RBFOX1: variants seen among roughly 807,000 people sequenced by gnomAD.
RBFOX1 encodes the protein RNA binding protein fox-1 homolog 1.
RBFOX1 carries 8 observed loss-of-function variants against 57.7 expected under a neutral mutation model. That is an observed-to-expected ratio of 0.14 (90% CI 0.08 to 0.25). The LOEUF is 0.25. Among genes scored for constraint, RBFOX1 ranks in the 10% least tolerant of loss-of-function variants. The pLI is 1.00. For missense variants in RBFOX1, 611 were observed against 548.5 expected (o/e 1.11, Z -1.14); for synonymous variants, 326 against 222.4 (o/e 1.47, Z -4.15).
intron 3 of RBFOX1, among the ~76,000 whole-genome samples, chr16:6,864,438 A>G (rs2059558492): frequency 6.6e-6 from 1 of 152,210 alleles, no homozygotes; most frequent in African/African-American, 2.4e-5. Flanking sequence ...AATTCAGAAA[A>G]GAAATGACAT....
intron 11 of RBFOX1, among the ~76,000 whole-genome samples, chr16:7,640,592 C>T (rs187196844): frequency 3.2e-4 from 48 of 152,312 alleles, no homozygotes; most frequent in Non-Finnish European, 3.5e-4. Context: ...AATGCATACA[C>T]AGCCAGAGAA....
chr16:6,638,025 A>G (rs1443527096), intron 2 of RBFOX1, among the ~76,000 whole-genome samples: 1 of 152,104 alleles, frequency 6.6e-6, no homozygotes, highest in Non-Finnish European at 1.5e-5. Flanking sequence ...TGTTTGACTG[A>G]AGTATCTAAG....
At chr16:5,736,850 T>TC (rs530789702) in intron 3 of RBFOX1, among the ~76,000 whole-genome samples, 1 of 149,920 alleles carries the variant, frequency 6.7e-6, no homozygotes, top group African/African-American at 2.5e-5. Flanking sequence ...TGTCCCTCTT[T>TC]CCCCCCTTCT....
At chr16:6,111,010 T>A (rs867981415) in intron 1 of RBFOX1, among the ~76,000 whole-genome samples, 1 of 151,840 alleles carries the variant, frequency 6.6e-6, no homozygotes, top group African/African-American at 2.4e-5. Context: ...TTTATGAGGG[T>A]TCAGTGGAAG....
intron 3 of RBFOX1, among the ~76,000 whole-genome samples, chr16:6,901,585 G>A (rs2068509163): frequency 6.6e-6 from 1 of 152,148 alleles, no homozygotes; most frequent in South Asian, 2.1e-4. Context: ...CCTCAATTAT[G>A]CTGTGAGAGG....
chr16:7,036,722 A>T (rs1260210715), intron 3 of RBFOX1, among the ~76,000 whole-genome samples: 1 of 114,672 alleles, frequency 8.7e-6, no homozygotes, highest in Non-Finnish European at 2.2e-5. Context: ...AAAAAAACAA[A>T]AAACAAACAA....
chr16:6,808,817 C>G (rs555499832), intron 3 of RBFOX1, among the ~76,000 whole-genome samples: 1 of 152,246 alleles, frequency 6.6e-6, no homozygotes, highest in African/African-American at 2.4e-5. Context: ...TACAATATCT[C>G]TAATTCATAG....
intron 2 of RBFOX1, among the ~76,000 whole-genome samples, chr16:6,489,851 T>C (rs968705796): frequency 6.6e-6 from 1 of 152,190 alleles, no homozygotes; most frequent in African/African-American, 2.4e-5. Context: ...GAAACACTAA[T>C]GTACAGGAGG....
At chr16:7,413,984 G>A (rs189058131) in intron 4 of RBFOX1, among the ~76,000 whole-genome samples, 60 of 152,246 alleles carry the variant, frequency 3.9e-4, no homozygotes, top group Admixed American at 1.0e-3. Flanking sequence ...CTCAGATGTT[G>A]GTGACTATCA....
At chr16:7,399,795 G>A (rs2098209490) in intron 4 of RBFOX1, among the ~76,000 whole-genome samples, 1 of 152,216 alleles carries the variant, frequency 6.6e-6, no homozygotes. Flanking sequence ...CATAGTCACA[G>A]GCACGAGGGG....
chr16:7,362,540 A>C (rs887272985), intron 4 of RBFOX1, among the ~76,000 whole-genome samples: 1 of 151,556 alleles, frequency 6.6e-6, no homozygotes, highest in East Asian at 2.0e-4. Flanking sequence ...GTCAGTGTGT[A>C]GATGTTAGTG....
intron 1 of RBFOX1, among the ~76,000 whole-genome samples, chr16:6,279,280 C>A (rs748173771): frequency 3.3e-5 from 5 of 152,150 alleles, no homozygotes; most frequent in Non-Finnish European, 5.9e-5. Context: ...AAGGAAATGG[C>A]TGTTTTATCC....
chr16:5,432,977 G>A (rs570866921), intron 1 of RBFOX1, among the ~76,000 whole-genome samples: 1 of 152,004 alleles, frequency 6.6e-6, no homozygotes, highest in South Asian at 2.1e-4. Context: ...GTACAGACAG[G>A]GTTTCACCAT....
intron 14 of RBFOX1, among the ~76,000 whole-genome samples, chr16:7,699,332 C>G (rs1410311805): frequency 2.0e-5 from 3 of 152,142 alleles, no homozygotes; most frequent in African/African-American, 7.2e-5. Context: ...GCTGGGAGTA[C>G]AGGCAGGTGC....
At chr16:6,919,573 G>C (rs1302094996) in intron 3 of RBFOX1, among the ~76,000 whole-genome samples, 1 of 151,730 alleles carries the variant, frequency 6.6e-6, no homozygotes. Context: ...CACTTCCTAT[G>C]GCTTGAAATT....
chr16:6,015,528 C>T (rs1325079381), upstream of RBFOX1, among the ~76,000 whole-genome samples: 7 of 152,282 alleles, frequency 4.6e-5, no homozygotes, highest in African/African-American at 2.4e-5. Context: ...CCTTCCCTAG[C>T]CCATATCTTT....
chr16:7,240,190 C>T (rs965082383), intron 4 of RBFOX1, among the ~76,000 whole-genome samples: 1 of 152,158 alleles, frequency 6.6e-6, no homozygotes, highest in Non-Finnish European at 1.5e-5. Context: ...TGGTCTTGAA[C>T]TCCTGACCTC....
chr16:7,619,217 G>T (rs1380649625), intron 10 of RBFOX1, among the ~76,000 whole-genome samples: 1 of 151,188 alleles, frequency 6.6e-6, no homozygotes, highest in African/African-American at 2.4e-5. Context: ...ATTTCCTCTG[G>T]AGAAAAAAAA....
At chr16:7,418,312 T>TG (rs2098504377) in intron 4 of RBFOX1, among the ~76,000 whole-genome samples, 1 of 152,144 alleles carries the variant, frequency 6.6e-6, no homozygotes, top group Non-Finnish European at 1.5e-5. Context: ...TCTGTTTGAG[T>TG]GGGGGACTTC....
Sources: gnomAD v4.1 joint callset for allele counts (sites outside exome capture counted in the v4.1 genomes callset) on GRCh38, gnomAD v4.1.1 for gene constraint, MANE v1.5 for transcripts, NCBI Gene and HGNC (gene_info 2026-07-23, HGNC 2026-07-21) for gene names.